The following LPP variants were observed in gnomAD, a reference collection of about 807,000 sequenced individuals.
LPP encodes lipoma-preferred partner.
A neutral mutation model predicts 60.4 loss-of-function variants in LPP; 38 were observed. The observed-to-expected ratio is 0.63, with a 90% CI of 0.49 to 0.83. The LOEUF (loss-of-function observed/expected upper bound fraction) is 0.83, where lower values mean the gene tolerates loss of function less well. LPP is among the 40% of genes least tolerant of loss of function. The pLI, the probability that LPP is intolerant of heterozygous loss-of-function variation, is 0.00. For missense variants in LPP, 902 were observed against 783.6 expected (o/e 1.15, Z -1.80); for synonymous variants, 328 against 290.8 (o/e 1.13, Z -1.30).
chr3:188,249,868 A>G, intron 2 of LPP, among the ~76,000 whole-genome samples: 1 of 133,220 alleles, frequency 7.5e-6, no homozygotes. Flanking sequence ...ACACACACAC[A>G]CAGTCTCCCC....
chr3:188,192,256 T>C (rs1319861932), intron 1 of LPP, among the ~76,000 whole-genome samples: 3 of 151,784 alleles, frequency 2.0e-5, no homozygotes, highest in Non-Finnish European at 4.4e-5. Context: ...TGAATAGGAG[T>C]TTGGTAAAGA....
intron 2 of LPP, among the ~76,000 whole-genome samples, chr3:188,274,402 CAA>C (rs1360632828): frequency 3.9e-5 from 6 of 152,152 alleles, no homozygotes; most frequent in African/African-American, 1.4e-4. Flanking sequence ...AGAGCTGTGT[CAA>C]ATTTATTTTT....
chr3:188,731,516 T>TTTTTGTTTTGTTTTTTG (rs1553817769), intron 8 of LPP, among the ~76,000 whole-genome samples: 3 of 145,700 alleles, frequency 2.1e-5, no homozygotes, highest in African/African-American at 7.7e-5. Context: ...TTTTTTGTTT[T>TTTTTGTTTTGTTTTTTG]TTTTGTTTTG....
intron 4 of LPP, among the ~76,000 whole-genome samples, chr3:188,413,696 C>T (rs1785445385): frequency 6.6e-6 from 1 of 152,114 alleles, no homozygotes; most frequent in South Asian, 2.1e-4. Flanking sequence ...GAGAAATTAA[C>T]TTGTAATTCT....
rs1553836222 is a variant in LPP at position 188,760,409 on chromosome 3, G to GGGGTGT, written c.1410+128_1410+129insGGTGTG. Reference sequence around the variant, plus strand: ...CCTAGACTTCAAAATGTGTGTGTGGGGTGTGTGTGTGTGTGTGTGTGTGTG... The same window carrying GGGGTGT: ...CCTAGACTTCAAAATGTGTGTGTGGGGGGTGTGTGTGTGTGTGTGTGTGTGTGTGTG... On this transcript the variant is annotated intron_variant, in intron 9 of 11. Coordinates refer to ENST00000617246, the MANE Select transcript of LPP (RefSeq NM_001375462.1). 2.0e-4 allele frequency: 123 copies of GGGGTGT among 602,812 alleles called. No individual in the cohort carries two copies. The East Asian group carries it at 2.3e-3, about 11-fold the overall frequency. 37.3% of individuals were successfully genotyped at this position (602,812 alleles called of 1,614,324 possible). A position where few individuals can be genotyped will look rare whatever the true frequency, so the allele number is the denominator to read the frequency against.
chr3:188,804,677 G>T (rs1367519149), intron 9 of LPP, among the ~76,000 whole-genome samples: 1 of 151,926 alleles, frequency 6.6e-6, no homozygotes, highest in Non-Finnish European at 1.5e-5. Flanking sequence ...ATTATTTGAA[G>T]TCATGCCTTT....
chr3:188,183,864 C>T (rs141263546), intron 1 of LPP, among the ~76,000 whole-genome samples: 46 of 152,196 alleles, frequency 3.0e-4, no homozygotes, highest in African/African-American at 1.1e-3. Flanking sequence ...ACACTGCTTT[C>T]CTAGCTGGAT....
chr3:188,828,614 C>CAAAAAAAAAAAAAA lies in LPP; in HGVS notation c.1411-37573_1411-37560dup, dbSNP rs71169022. 1.1e-3 allele frequency among the ~76,000 whole-genome samples: 34 copies of CAAAAAAAAAAAAAA among 31,340 alleles called. 6 individuals are homozygous for CAAAAAAAAAAAAAA. Among genetic ancestry groups the CAAAAAAAAAAAAAA allele is most frequent in the African/African-American group, 1.5e-3 (11 of 7,230 alleles). The allele number at this position is 31,340 out of a possible 152,430, so 20.6% of individuals were successfully genotyped here. ...TGGCAACAAGAGCGAAACTCTGTCT[C>CAAAAAAAAAAAAAA]AAAAAAAAAAAAAAAAAAAAAAAAA... On this transcript the variant is annotated intron_variant, in intron 9 of 11. Transcript: ENST00000617246.
At chr3:188,703,403 A>G (rs1864871798) in intron 7 of LPP, among the ~76,000 whole-genome samples, 1 of 152,200 alleles carries the variant, frequency 6.6e-6, no homozygotes, top group South Asian at 2.1e-4. Context: ...GACAGTAAGA[A>G]TAGTACTGGA....
chr3:188,784,106 C>T (rs141734000), intron 9 of LPP, among the ~76,000 whole-genome samples: 273 of 151,556 alleles, frequency 1.8e-3, no homozygotes, highest in African/African-American at 5.8e-3. Context: ...CCCCAAAGTC[C>T]GTCGTATCAT....
At chr3:188,573,775 C>A (rs1256956157) in intron 6 of LPP, among the ~76,000 whole-genome samples, 4 of 151,972 alleles carry the variant, frequency 2.6e-5, no homozygotes, top group African/African-American at 7.2e-5. Flanking sequence ...AACAGGAAGC[C>A]AGTGACCAGG....
intron 2 of LPP, among the ~76,000 whole-genome samples, chr3:188,284,422 G>C (rs1427135401): frequency 6.6e-6 from 1 of 152,152 alleles, no homozygotes; most frequent in African/African-American, 2.4e-5. Context: ...ATGGGCAGGA[G>C]AAATGGGATG....
chr3:188,462,589 TGTGTG>T (rs2149447469), intron 4 of LPP, among the ~76,000 whole-genome samples: 3 of 2,654 alleles, frequency 1.1e-3, no homozygotes, highest in Non-Finnish European at 2.1e-3. Flanking sequence ...TATATATGCA[TGTGTG>T]TGTGTGTGTG....
chr3:188,579,132 G>A (rs1211095726), intron 6 of LPP, among the ~76,000 whole-genome samples: 2 of 152,226 alleles, frequency 1.3e-5, no homozygotes, highest in African/African-American at 4.8e-5. Context: ...AGCAGGCTCT[G>A]CTGACCAGCA....
intron 6 of LPP, among the ~76,000 whole-genome samples, chr3:188,606,600 G>T (rs935034974): frequency 1.1e-4 from 17 of 151,914 alleles, no homozygotes; most frequent in African/African-American, 3.6e-4. Flanking sequence ...CTTGAAGGTG[G>T]TCCCAATAGT....
intron 1 of LPP, among the ~76,000 whole-genome samples, chr3:188,204,669 G>A (rs1732657840): frequency 6.6e-6 from 1 of 152,160 alleles, no homozygotes; most frequent in Admixed American, 6.6e-5. Context: ...GGAAATTGAG[G>A]CTCAGAGAGC....
intron 1 of LPP, among the ~76,000 whole-genome samples, chr3:188,170,084 A>G (rs137857727): frequency 1.8e-4 from 27 of 152,320 alleles, no homozygotes; most frequent in African/African-American, 6.3e-4. Flanking sequence ...ACTCCCTAAC[A>G]CATTGATATA....
intron 9 of LPP, among the ~76,000 whole-genome samples, chr3:188,775,683 A>G (rs1217479174): frequency 6.6e-6 from 1 of 152,232 alleles, no homozygotes; most frequent in African/African-American, 2.4e-5. Flanking sequence ...GTGTTCTTCC[A>G]TAAAGTGCTT....
At chr3:188,313,176 C>G (rs1242870578) in intron 2 of LPP, among the ~76,000 whole-genome samples, 2 of 151,830 alleles carry the variant, frequency 1.3e-5, no homozygotes, top group African/African-American at 4.8e-5. Flanking sequence ...TTTAGACTTT[C>G]TGTTCTATTC....
Sources: gnomAD v4.1 joint callset for allele counts (sites outside exome capture counted in the v4.1 genomes callset) on GRCh38, gnomAD v4.1.1 for gene constraint, MANE v1.5 for transcripts, NCBI Gene and HGNC (gene_info 2026-07-23, HGNC 2026-07-21) for gene names.